Variants in VAT1L observed in about 807,000 individuals in gnomAD.
The protein encoded by VAT1L is putative NADPH-dependent quinone oxidoreductase VAT1L.
VAT1L carries 34 observed loss-of-function variants against 44.1 expected under a neutral mutation model. The observed-to-expected ratio is 0.77, with a 90% CI of 0.59 to 1.03. The LOEUF (loss-of-function observed/expected upper bound fraction) is 1.03. VAT1L is among the 50% of genes least tolerant of loss of function. VAT1L has a pLI of 0.00. For synonymous variants in VAT1L, 253 were observed against 202.2 expected, an observed-to-expected ratio of 1.25 and a Z score of -2.13; for missense variants, 615 against 538.8, an observed-to-expected ratio of 1.14 and a Z score of -1.40.
intron 7 of VAT1L, among the ~76,000 whole-genome samples, chr16:77,888,296 C>T (rs1420158396): frequency 6.6e-6 from 1 of 152,266 alleles, no homozygotes; most frequent in East Asian, 1.9e-4. Context: ...CTCCCTTCCA[C>T]TAGAATTTAA....
chr16:77,858,179 G>A (rs545540915), intron 3 of VAT1L, among the ~76,000 whole-genome samples: 6 of 152,172 alleles, frequency 3.9e-5, no homozygotes, highest in Admixed American at 1.3e-4. Flanking sequence ...GTCACGCTTC[G>A]GGAGAAAAGA....
At chr16:77,908,245 A>G (rs1461616678) in intron 7 of VAT1L, among the ~76,000 whole-genome samples, 1 of 151,310 alleles carries the variant, frequency 6.6e-6, no homozygotes, top group East Asian at 1.9e-4. Context: ...TCTCAAAAAA[A>G]AAAAAAAAGT....
intron 7 of VAT1L, among the ~76,000 whole-genome samples, chr16:77,929,133 G>A (rs2017701073): frequency 6.6e-6 from 1 of 152,090 alleles, no homozygotes; most frequent in Non-Finnish European, 1.5e-5. Context: ...TTTTTATGCT[G>A]TGTGATACTG....
At chr16:77,800,739 G>GCA (rs2016032828) in intron 1 of VAT1L, 1 of 152,164 alleles carries the variant, frequency 6.6e-6, no homozygotes, top group African/African-American at 2.4e-5. Context: ...TTACAAAGCA[G>GCA]CACATGCTAC....
intron 3 of VAT1L, among the ~76,000 whole-genome samples, chr16:77,843,083 T>G (rs927035599): frequency 3.9e-5 from 6 of 152,016 alleles, no homozygotes; most frequent in African/African-American, 1.5e-4. Flanking sequence ...CAATTCACAC[T>G]CAGATAGGTC....
At chr16:77,862,928 C>G (rs1481937164) in intron 4 of VAT1L, 38 bp downstream of exon 4, 3 of 1,605,580 alleles carry the variant, frequency 1.9e-6, no homozygotes, top group Non-Finnish European at 2.6e-6. Context: ...CAGGCTGGCC[C>G]TTGCTCTGCT....
intron 3 of VAT1L, among the ~76,000 whole-genome samples, chr16:77,850,266 T>C (rs2016795150): frequency 6.6e-6 from 1 of 152,200 alleles, no homozygotes; most frequent in Admixed American, 6.5e-5. Context: ...CGTGTAAGGC[T>C]GTATGCACAC....
chr16:77,889,958 A>G (rs2017246388), intron 7 of VAT1L, among the ~76,000 whole-genome samples: 1 of 152,078 alleles, frequency 6.6e-6, no homozygotes, highest in Non-Finnish European at 1.5e-5. Flanking sequence ...CATGGTGGCA[A>G]CGCCTATAGT....
At chr16:77,955,446 C>T (rs961832802) in intron 7 of VAT1L, among the ~76,000 whole-genome samples, 2 of 152,128 alleles carry the variant, frequency 1.3e-5, no homozygotes, top group Non-Finnish European at 2.9e-5. Context: ...AGAATGGGGC[C>T]GGGCGTGGTG....
At chr16:77,930,164 G>A (rs532246165) in intron 7 of VAT1L, among the ~76,000 whole-genome samples, 2 of 152,134 alleles carry the variant, frequency 1.3e-5, no homozygotes, top group Admixed American at 1.3e-4. Flanking sequence ...TGTCTTCCTT[G>A]GAATGAACCA....
rs573650096 is a variant in VAT1L at position 77,884,314 on chromosome 16, C to G, written c.883-294C>G. Among the ~76,000 whole-genome samples the G allele has an allele frequency of 6.2e-4, 95 of 152,210 alleles. No homozygotes were observed. The highest frequency in any genetic ancestry group is 2.2e-3 in the African/African-American group (93 of 41,540). On this transcript the variant is annotated intron_variant, in intron 6 of 8. Coordinates refer to ENST00000302536, the MANE Select transcript of VAT1L (RefSeq NM_020927.3). The surrounding 1 kb of genome is among the most constrained non-coding windows in gnomAD (Gnocchi z 4.5). ...TCGTGGGCGCCTGTAATCCCAGCTA[C>G]TCGGGAGGCTGGGGCAGAGAATTAC...
intron 6 of VAT1L, among the ~76,000 whole-genome samples, chr16:77,880,567 T>A (rs909216878): frequency 1.3e-5 from 2 of 151,272 alleles, no homozygotes; most frequent in African/African-American, 4.9e-5. Context: ...GTTGCTTTTT[T>A]TTTTTCTTCG....
intron 7 of VAT1L, among the ~76,000 whole-genome samples, chr16:77,914,312 T>TA (rs2017528961): frequency 6.6e-6 from 1 of 152,208 alleles, no homozygotes; most frequent in African/African-American, 2.4e-5. Context: ...ATCTATGCTT[T>TA]TGAGGTTGTA....
At chr16:77,820,182 G>A (rs368013255) in intron 2 of VAT1L, among the ~76,000 whole-genome samples, 1 of 152,132 alleles carries the variant, frequency 6.6e-6, no homozygotes, top group South Asian at 2.1e-4. Context: ...ATGGTTTCAA[G>A]AGGATTGAGG....
chr16:77,841,418 A>T (rs1460549226), intron 3 of VAT1L, among the ~76,000 whole-genome samples: 1 of 152,214 alleles, frequency 6.6e-6, no homozygotes, highest in Non-Finnish European at 1.5e-5. Context: ...AGAAATGTTC[A>T]TATATAACTC....
chr16:77,931,421 G>T (rs2017729833), intron 7 of VAT1L, among the ~76,000 whole-genome samples: 1 of 152,088 alleles, frequency 6.6e-6, no homozygotes, highest in South Asian at 2.1e-4. Context: ...TTTTACATCA[G>T]ATATTCCAAA....
At chr16:77,827,144 A>G (rs1479317422) in intron 3 of VAT1L, among the ~76,000 whole-genome samples, 4 of 152,228 alleles carry the variant, frequency 2.6e-5, no homozygotes, top group African/African-American at 4.8e-5. Flanking sequence ...ATAAAGACAT[A>G]TAAAAGCTAA....
intron 7 of VAT1L, among the ~76,000 whole-genome samples, chr16:77,940,014 G>C: frequency 1.3e-5 from 2 of 152,294 alleles, no homozygotes; most frequent in African/African-American, 4.8e-5. Context: ...GTTAATCAGT[G>C]CATCAAGGTT....
intron 7 of VAT1L, among the ~76,000 whole-genome samples, chr16:77,949,024 C>T (rs1247156857): frequency 6.6e-6 from 1 of 152,158 alleles, no homozygotes. Context: ...ACATGAAAGA[C>T]ATAAGATCTA....
Sources: gnomAD v4.1 joint callset for allele counts (sites outside exome capture counted in the v4.1 genomes callset) on GRCh38, gnomAD v4.1.1 for gene constraint, Gnocchi (gnomAD v3.1) non-coding constraint, MANE v1.5 for transcripts, NCBI Gene and HGNC (gene_info 2026-07-23, HGNC 2026-07-21) for gene names.